Variants in CABP7 observed in about 807,000 individuals in gnomAD.
The protein encoded by CABP7 is calcium-binding protein 7.
In CABP7, 13 loss-of-function variants were observed where a neutral mutation model predicts 23.1. The observed-to-expected ratio is 0.56, with a 90% CI of 0.37 to 0.90. The LOEUF (loss-of-function observed/expected upper bound fraction) is 0.90. CABP7 is among the 40% of genes least tolerant of loss of function. The pLI is 0.01. For synonymous variants in CABP7, 123 were observed against 115.3 expected (o/e 1.07, Z -0.43); for missense variants, 248 against 295.6 (o/e 0.84, Z 1.18).
At chr22:29,722,743 C>T (rs947772537) in intron 1 of CABP7, among the ~76,000 whole-genome samples, 5 of 152,236 alleles carry the variant, frequency 3.3e-5, no homozygotes, top group Non-Finnish European at 7.3e-5. Flanking sequence ...TGCCCCAGGG[C>T]GGTCTGGGCG....
intron 1 of CABP7, among the ~76,000 whole-genome samples, chr22:29,725,081 C>T (rs1373826886): frequency 1.3e-5 from 2 of 152,094 alleles, no homozygotes; most frequent in Non-Finnish European, 1.5e-5. Context: ...CAGGCAGGAC[C>T]CTGCAGAGGA....
In CABP7 at chr22:29,731,414, C is replaced by A; in HGVS notation, c.*1845C>A. 6.6e-7 allele frequency: 1 copy of A among 1,511,056 alleles called. No individual in the cohort carries two copies. Among genetic ancestry groups the A allele is most frequent in the Admixed American group, 2.7e-5 (1 of 36,984 alleles). The allele number at this position is 1,511,056 out of a possible 1,614,324, so 93.6% of individuals were successfully genotyped here. ...TGCACTACAGCCCAGGCTTATGCCA[C>A]CCCCAGCCCACCTGCCTCACCACCC... On this transcript the variant is annotated 3_prime_UTR_variant, in exon 5 of 5. Transcript: ENST00000216144.
intron 4 of CABP7, 22 bp from the exon 5 acceptor site, chr22:29,729,414 CCCCGGT>C: frequency 1.2e-6 from 2 of 1,606,130 alleles, no homozygotes; most frequent in Middle Eastern, 3.3e-4. Context: ...CCTTCTGTCT[CCCCGGT>C]GCTCCCGGCG....
At chr22:29,729,410 G>A (rs750204818) in intron 4 of CABP7, 32 bp from the exon 5 acceptor site, 1 of 1,605,520 alleles carries the variant, frequency 6.2e-7, no homozygotes, top group Non-Finnish European at 8.5e-7. Context: ...GTCCCCTTCT[G>A]TCTCCCCGGT....
rs756171562 is a variant in CABP7 at position 29,729,100 on chromosome 22, TACG to T, written c.415_417del (p.Asp139del). 6.2e-7 allele frequency: 1 copy of T among 1,611,560 alleles called. No homozygotes were observed. The highest frequency in any genetic ancestry group is 1.1e-5 in the South Asian group (1 of 90,992). ...GGTGGATGAGCTGAAGCGGCTGCTC[TACG>T]ACACCTTCTGCGAGCACCTGTCCAT... On this transcript the variant is annotated inframe_deletion, in exon 4 of 5. Coordinates refer to ENST00000216144, the MANE Select transcript of CABP7 (RefSeq NM_182527.3).
At chr22:29,725,245 C>T (rs1405982292) in intron 1 of CABP7, among the ~76,000 whole-genome samples, 2 of 152,124 alleles carry the variant, frequency 1.3e-5, no homozygotes, top group African/African-American at 2.4e-5. Flanking sequence ...AGGGATCAAG[C>T]AGCCTCCTCA....
Position 29,720,482 on chromosome 22 carries a change from A to G in CABP7, c.58A>G (p.Asn20Asp). 1 of 1,563,112 alleles carries G rather than the reference A, an allele frequency of 6.4e-7. No homozygotes were observed. The highest frequency in any genetic ancestry group is 8.6e-7 in the Non-Finnish European group (1 of 1,156,072). The change falls in exon 1 of 5, where the codon AAC (asparagine) becomes GAC (aspartate). Residue 20 changes from asparagine (N) to aspartate (D), a missense_variant. By Grantham distance (23) the Asn-to-Asp change is conservative. Transcript: ENST00000216144. The surrounding 1 kb of genome is among the most constrained non-coding windows in gnomAD (Gnocchi z 5.2). ...LMYRGIYTVP[N>D]LLSEQRPVDI... ...GTACCGGGGCATCTACACCGTGCCCAACCTGCTGTCGGAGCAGCGCCCGGT... is the reference window on the plus strand; with the variant it reads ...GTACCGGGGCATCTACACCGTGCCCGACCTGCTGTCGGAGCAGCGCCCGGT...
At position 29,727,306 on chromosome 22, in the gene CABP7, C is replaced by T. The variant is rs374369527; in HGVS notation, c.110-356C>T. Among the ~76,000 whole-genome samples, 109 of 149,674 alleles carry T rather than the reference C, an allele frequency of 7.3e-4. No homozygotes were observed. Among genetic ancestry groups the T allele is most frequent in the Admixed American group, 6.7e-4 (10 of 15,008 alleles). ...AAGGAATGGGGGCGGGTGGGGAAGC[C>T]GTCAGCAGCCGCGGGGGCCGGGGAG... is the stretch of plus-strand genomic sequence containing the variant. On this transcript the variant is annotated intron_variant, in intron 1 of 4. Coordinates refer to ENST00000216144, the MANE Select transcript of CABP7 (RefSeq NM_182527.3). The surrounding 1 kb of genome is among the most constrained non-coding windows in gnomAD (Gnocchi z 4.2).
In CABP7 at chr22:29,731,093, G is replaced by A. The variant is rs962209340; in HGVS notation, c.*1524G>A. ...GACGAGGGCTGCACTTGGTGTGGCC[G>A]TGTCCTGAGCCTCAGTGAGGCTGGG... is the stretch of plus-strand genomic sequence containing the variant. On this transcript the variant is annotated 3_prime_UTR_variant, in exon 5 of 5. Transcript: ENST00000216144. The A allele has an allele frequency of 1.6e-5, 16 of 1,010,006 alleles. No homozygotes were observed. The highest frequency in any genetic ancestry group is 1.0e-4 in the African/African-American group (6 of 59,514). The allele number at this position is 1,010,006 out of a possible 1,614,324, so 62.6% of individuals were successfully genotyped here.
chr22:29,723,971 G>A (rs967744140), intron 1 of CABP7, among the ~76,000 whole-genome samples: 1 of 152,202 alleles, frequency 6.6e-6, no homozygotes, highest in Non-Finnish European at 1.5e-5. Context: ...GAGGTGGCAG[G>A]TAGGGGGCAG....
Position 29,720,501 on chromosome 22 carries a change from G to T in CABP7, c.77G>T (p.Arg26Leu), listed in dbSNP as rs1601704843. 6.4e-7 allele frequency: 1 copy of T among 1,557,918 alleles called. No homozygotes were observed. ...YTVPNLLSEQ[R>L]PVDIPEDELE... is the part of the protein sequence containing the mutation. ...GTGCCCAACCTGCTGTCGGAGCAGC[G>T]CCCGGTGGACATCCCGGAGGACGAG... Residue 26 changes from arginine to leucine, a missense_variant, in exon 1 of 5, where the codon CGC (arginine) becomes CTC (leucine). Coordinates refer to ENST00000216144, the MANE Select transcript of CABP7 (RefSeq NM_182527.3). The surrounding 1 kb of genome is among the most constrained non-coding windows in gnomAD (Gnocchi z 5.2).
chr22:29,724,442 C>A (rs1460888562), intron 1 of CABP7, among the ~76,000 whole-genome samples: 1 of 152,240 alleles, frequency 6.6e-6, no homozygotes, highest in Non-Finnish European at 1.5e-5. Context: ...CAGGACCAGC[C>A]AGACACATGC....
At position 29,727,674 on chromosome 22, in the gene CABP7, C is replaced by T; in HGVS notation, c.122C>T (p.Ala41Val). Reference sequence around the variant, plus strand: ...ATTCTCTCCTCAGAGATCCGAGAGGCCTTCAAGGTGTTTGACCGTGACGGC... The same window carrying T: ...ATTCTCTCCTCAGAGATCCGAGAGGTCTTCAAGGTGTTTGACCGTGACGGC... The part of the protein sequence containing the change: ...PEDELEEIRE[A>V]FKVFDRDGNG... Residue 41 changes from alanine to valine, a missense_variant, in exon 2 of 5, where the codon GCC (alanine) becomes GTC (valine). Transcript: ENST00000216144. The surrounding 1 kb of genome is among the most constrained non-coding windows in gnomAD (Gnocchi z 4.2). The T allele has an allele frequency of 1.9e-6, 3 of 1,613,828 alleles. No homozygotes were observed. The highest frequency in any genetic ancestry group is 2.5e-6 in the Non-Finnish European group (3 of 1,179,964).
chr22:29,728,882 G>A (rs1252423940), intron 3 of CABP7, 140 bp downstream of exon 3: 1 of 1,029,756 alleles, frequency 9.7e-7, no homozygotes. Context: ...CCTCTCAGAG[G>A]GCCATGGGCT....
Position 29,720,555 on chromosome 22 carries a change from CG to C in CABP7, c.109+23del. On this transcript the variant is annotated intron_variant, in intron 1 of 4. Transcript: ENST00000216144. This position sits in a 1 kb window ranked among gnomAD's most constrained non-coding sequence, Gnocchi z 5.2. ...GAGGGTGAGTGTCCGCCGGGATCCC[CG>C]CCCCGGCGGCCCTCCTACCTGTGCG... 1 of 1,482,478 alleles carries C rather than the reference CG, an allele frequency of 6.7e-7. No individual in the cohort carries two copies. Among genetic ancestry groups the C allele is most frequent in the Non-Finnish European group, 9.1e-7 (1 of 1,103,858 alleles). 91.8% of individuals were successfully genotyped at this position (1,482,478 alleles called of 1,614,324 possible). A position where few individuals can be genotyped will look rare whatever the true frequency, so the allele number is the denominator to read the frequency against.
Position 29,728,760 on chromosome 22 carries a change from G to A in CABP7, c.366+18G>A. The A allele has an allele frequency of 6.5e-7, 1 of 1,540,952 alleles. No individual in the cohort carries two copies. The highest frequency in any genetic ancestry group is 9.0e-7 in the Non-Finnish European group (1 of 1,113,966). On this transcript the variant is annotated intron_variant, in intron 3 of 4. Transcript: ENST00000216144. ...TCTGGAAGGTATCCCCTGGCTAGTT[G>A]GGACCCAGGGCTGTGCACACTGTGG...
rs542644651 is a variant in CABP7, at chr22:29,729,794, AC to A, written c.*228del. The stretch of plus-strand genomic sequence containing the variant: ...GGCTCTGAGGATGGTCCCCAGCCCC[AC>A]CCTGTCCCCACCCTGGCCTGTAAGG... On this transcript the variant is annotated 3_prime_UTR_variant, in exon 5 of 5. Coordinates refer to ENST00000216144, the MANE Select transcript of CABP7 (RefSeq NM_182527.3). The A allele has an allele frequency of 5.9e-5, 34 of 573,594 alleles. No homozygotes were observed. In the African/African-American group the frequency reaches 6.9e-4, roughly 12 times the overall value. The allele number at this position is 573,594 out of a possible 1,614,324, so 35.5% of individuals were successfully genotyped here. A position where few individuals can be genotyped will look rare whatever the true frequency, so the allele number is the denominator to read the frequency against.
rs766186824 is a variant in CABP7, at chr22:29,729,170, A to C, written c.482A>C (p.His161Pro). ...ENIIMTEEES[H>P]LGTAEECPVD... ...ATCATCATGACGGAGGAGGAGAGCC[A>C]CCTGGGCACAGCCGAGGAGTGTCCC... Residue 161 changes from histidine to proline, a missense_variant, in exon 4 of 5, where the codon CAC (histidine) becomes CCC (proline). His to Pro is a moderately conservative substitution (Grantham distance 77, BLOSUM62 -2). Transcript: ENST00000216144. The C allele has an allele frequency of 6.2e-7, 1 of 1,610,734 alleles. No homozygotes were observed. Among genetic ancestry groups the C allele is most frequent in the Non-Finnish European group, 8.5e-7 (1 of 1,179,626 alleles).
rs1303048098 is a variant in CABP7 at position 29,720,870 on chromosome 22, C to T, written c.109+337C>T. ...GACTGGGGCGGGGGTCCGCGCTGAG[C>T]CCCCAGCGCCGGCCCGGCCGGAGCA... is the stretch of plus-strand genomic sequence containing the variant. On this transcript the variant is annotated intron_variant, in intron 1 of 4. Transcript: ENST00000216144. The surrounding 1 kb of genome is among the most constrained non-coding windows in gnomAD (Gnocchi z 5.2). Among the ~76,000 whole-genome samples, 1 of 151,536 alleles carries T rather than the reference C, an allele frequency of 6.6e-6. No individual in the cohort carries two copies. The highest frequency in any genetic ancestry group is 2.4e-5 in the African/African-American group (1 of 41,332).
Sources: allele counts gnomAD v4.1 joint callset (sites outside exome capture counted in the v4.1 genomes callset), GRCh38; gene constraint gnomAD v4.1.1; non-coding constraint Gnocchi (gnomAD v3.1); transcripts MANE v1.5; gene names NCBI Gene and HGNC (gene_info 2026-07-23, HGNC 2026-07-21).